ATG4C: variants seen among roughly 807,000 people sequenced by gnomAD.
The protein encoded by ATG4C is cysteine protease ATG4C.
In ATG4C, 56 loss-of-function variants were observed where a neutral mutation model predicts 57.6. That is an observed-to-expected ratio of 0.97 (90% CI 0.78 to 1.21). ATG4C has a LOEUF of 1.21. Ranked by LOEUF, ATG4C falls within the 50% of genes most tolerant of loss-of-function variation. ATG4C has a pLI of 0.00. For synonymous variants in ATG4C, 157 were observed against 174.1 expected (o/e 0.90, Z 0.78); for missense variants, 595 against 529.8 (o/e 1.12, Z -1.21).
chr1:62,856,685 T>C (rs1666693475), intron 10 of ATG4C, among the ~76,000 whole-genome samples: 3 of 152,128 alleles, frequency 2.0e-5, no homozygotes, highest in African/African-American at 7.2e-5. Flanking sequence ...GTATAGGACT[T>C]TGGAGAAGGG....
intron 1 of ATG4C, among the ~76,000 whole-genome samples, chr1:62,790,224 T>G (rs1274503118): frequency 6.6e-6 from 1 of 152,222 alleles, no homozygotes; most frequent in African/African-American, 2.4e-5. Flanking sequence ...AACATATACA[T>G]TTTTTAAGAA....
chr1:62,800,872 T>C, intron 1 of ATG4C, among the ~76,000 whole-genome samples: 1 of 152,198 alleles, frequency 6.6e-6, no homozygotes, highest in South Asian at 2.1e-4. Context: ...AAGAGAAGGA[T>C]ACCTATCTTA....
rs546218043 is a variant in ATG4C, at chr1:62,864,923, A to T, written c.*764A>T. On this transcript the variant is annotated 3_prime_UTR_variant, in exon 11 of 11. Coordinates refer to ENST00000317868, the MANE Select transcript of ATG4C (RefSeq NM_032852.4). ...AAATTTTATGGGAACTCAATTTATT[A>T]TGCAGTTTTTAAGTTTAAAATACCA... 2.6e-5 allele frequency: 4 copies of T among 152,050 alleles called. No individual in the cohort carries two copies. The South Asian group carries it at 8.3e-4, about 31-fold the overall frequency. The allele number at this position is 152,050 out of a possible 1,614,324, so 9.4% of individuals were successfully genotyped here.
In ATG4C at chr1:62,819,190, G is replaced by GT; in HGVS notation, c.580_581insT (p.Glu194ValfsTer5). 1 of 1,613,582 alleles carries GT rather than the reference G, an allele frequency of 6.2e-7. No homozygotes were observed. Among genetic ancestry groups the GT allele is most frequent in the African/African-American group, 1.3e-5 (1 of 75,024 alleles). ...TTCTGATGATCATGAAATGCGAAAT[G>GT]AAGTTTATCATAGGAAAATCATCTC... On this transcript the variant is annotated frameshift_variant, in exon 5 of 11. Transcript: ENST00000317868. LOFTEE classifies it high-confidence loss of function.
rs1665473793 is a variant in ATG4C, at chr1:62,821,282, T to C, written c.796+73T>C. ...TTTATATGTGTTTAGCTTATCCCAG[T>C]AATACTGTAAATGATTATGAAGGTA... is the stretch of plus-strand genomic sequence containing the variant. On this transcript the variant is annotated intron_variant, in intron 6 of 10. Transcript: ENST00000317868. 24 of 928,940 alleles carry C rather than the reference T, an allele frequency of 2.6e-5. No homozygotes were observed. In the East Asian group the frequency reaches 6.5e-4, roughly 25 times the overall value. 57.5% of individuals were successfully genotyped at this position (928,940 alleles called of 1,614,324 possible). A position where few individuals can be genotyped will look rare whatever the true frequency, so the allele number is the denominator to read the frequency against.
intron 10 of ATG4C, among the ~76,000 whole-genome samples, chr1:62,848,141 T>C (rs1666385668): frequency 7.7e-6 from 1 of 130,338 alleles, no homozygotes; most frequent in Admixed American, 8.2e-5. Flanking sequence ...GTTTCTCCTT[T>C]AAGTTCTTTT....
rs575291715 is a variant in ATG4C at position 62,863,077 on chromosome 1, A to G, written c.1210-915A>G. Reference sequence around the variant, plus strand: ...ATGTTTAATTCATTTTTTAATGAAAATCATTAAAAGTTTTGAATAGAACTT... The same window carrying G: ...ATGTTTAATTCATTTTTTAATGAAAGTCATTAAAAGTTTTGAATAGAACTT... On this transcript the variant is annotated intron_variant, in intron 10 of 10. Transcript: ENST00000317868. Among the ~76,000 whole-genome samples the G allele has an allele frequency of 2.6e-3, 398 of 152,154 alleles. 5 individuals carry two copies. The highest frequency in any genetic ancestry group is 9.2e-3 in the African/African-American group (382 of 41,568).
intron 6 of ATG4C, among the ~76,000 whole-genome samples, chr1:62,826,124 G>A (rs940320741): frequency 4.0e-5 from 6 of 151,768 alleles, no homozygotes; most frequent in Non-Finnish European, 7.4e-5. Context: ...GACCAGGCTG[G>A]CCTCGAAGTC....
intron 1 of ATG4C, among the ~76,000 whole-genome samples, chr1:62,795,311 G>GT: frequency 6.6e-6 from 1 of 152,156 alleles, no homozygotes; most frequent in East Asian, 1.9e-4. Flanking sequence ...TCAGTTTACA[G>GT]TTTTTTGACT....
At chr1:62,831,408 T>G (rs1665834087) in intron 7 of ATG4C, among the ~76,000 whole-genome samples, 2 of 152,182 alleles carry the variant, frequency 1.3e-5, no homozygotes, top group Non-Finnish European at 2.9e-5. Context: ...GAGTCTAAAA[T>G]GTACTGTTCA....
At position 62,865,345 on chromosome 1, in the gene ATG4C, A is replaced by G. The variant is rs1026550305; in HGVS notation, c.*1186A>G. The G allele has an allele frequency of 6.6e-6, 1 of 151,924 alleles. No individual in the cohort carries two copies. Among genetic ancestry groups the G allele is most frequent in the Non-Finnish European group, 1.5e-5 (1 of 67,844 alleles). The allele number at this position is 151,924 out of a possible 1,614,324, so 9.4% of individuals were successfully genotyped here. A position where few individuals can be genotyped will look rare whatever the true frequency, so the allele number is the denominator to read the frequency against. ...TTATAAAGACATAAAATTGTGTATC[A>G]TCTAAAGTCATTGATCTCTTCCATC... On this transcript the variant is annotated 3_prime_UTR_variant, in exon 11 of 11. Transcript: ENST00000317868.
chr1:62,862,987 C>A (rs535136594), intron 10 of ATG4C, among the ~76,000 whole-genome samples: 8 of 151,934 alleles, frequency 5.3e-5, no homozygotes, highest in African/African-American at 1.9e-4. Context: ...AGTAACTTTT[C>A]GGAATTCCTG....
chr1:62,810,785 GAT>G (rs1211912165), intron 3 of ATG4C, among the ~76,000 whole-genome samples: 2 of 149,394 alleles, frequency 1.3e-5, no homozygotes, highest in African/African-American at 4.9e-5. Flanking sequence ...TTGTGGGGAT[GAT>G]ATTGACCCAG....
intron 10 of ATG4C, among the ~76,000 whole-genome samples, chr1:62,850,836 G>A (rs1572170236): frequency 1.3e-5 from 1 of 76,856 alleles, no homozygotes; most frequent in African/African-American, 5.0e-5. Context: ...TATCATGTAT[G>A]TATGTGTGTG....
At chr1:62,848,764 A>G (rs939346954) in intron 10 of ATG4C, among the ~76,000 whole-genome samples, 3 of 152,212 alleles carry the variant, frequency 2.0e-5, no homozygotes, top group African/African-American at 7.2e-5. Context: ...CCAAGAAACT[A>G]TTCAGGTTTC....
intron 9 of ATG4C, among the ~76,000 whole-genome samples, chr1:62,841,122 G>A (rs182014760): frequency 4.6e-5 from 7 of 152,192 alleles, no homozygotes; most frequent in Non-Finnish European, 7.4e-5. Context: ...CTTTTTTCAT[G>A]TCTTTTTCAT....
intron 1 of ATG4C, among the ~76,000 whole-genome samples, chr1:62,788,773 T>C (rs1383472930): frequency 6.6e-6 from 1 of 152,208 alleles, no homozygotes; most frequent in Non-Finnish European, 1.5e-5. Context: ...CATTTCTTTC[T>C]TTTTTTGTCT....
chr1:62,856,423 A>G (rs1666683993), intron 10 of ATG4C, among the ~76,000 whole-genome samples: 1 of 152,260 alleles, frequency 6.6e-6, no homozygotes, highest in African/African-American at 2.4e-5. Context: ...ATAGTTCAAT[A>G]ATAATGATAA....
intron 9 of ATG4C, 113 bp downstream of exon 9, chr1:62,834,965 C>T: frequency 1.3e-6 from 1 of 780,792 alleles, no homozygotes; most frequent in South Asian, 1.9e-5. Flanking sequence ...GGTTAATAAT[C>T]AATATTTTAC....
Sources: allele counts gnomAD v4.1 joint callset (sites outside exome capture counted in the v4.1 genomes callset), GRCh38; gene constraint gnomAD v4.1.1; transcripts MANE v1.5; gene names NCBI Gene and HGNC (gene_info 2026-07-23, HGNC 2026-07-21).